Variants in SHPRH observed in about 807,000 individuals in gnomAD.
SHPRH encodes the protein E3 ubiquitin-protein ligase SHPRH.
A neutral mutation model predicts 202.5 loss-of-function variants in SHPRH; 106 were observed. That is an observed-to-expected ratio of 0.52 (90% confidence interval 0.45 to 0.62). The LOEUF is 0.62. Among genes scored for constraint, SHPRH ranks in the 20% least tolerant of loss-of-function variants. The probability of loss-of-function intolerance (pLI) is 0.00; values close to 1 mark genes in which losing one functional copy is unlikely to be tolerated. For missense variants in SHPRH, 1,710 were observed against 2,020.0 expected, an observed-to-expected ratio of 0.85 and a Z score of 2.94; for synonymous variants, 729 against 686.0, an observed-to-expected ratio of 1.06 and a Z score of -0.98.
intron 17 of SHPRH, 139 bp from the exon 18 acceptor site, chr6:145,923,924 G>T: frequency 1.3e-6 from 1 of 758,390 alleles, no homozygotes; most frequent in Non-Finnish European, 2.0e-6. Flanking sequence ...GAGGGGAGAC[G>T]AGTATACATA....
chr6:145,882,678 T>C (rs766933307), downstream of SHPRH, among the ~76,000 whole-genome samples: 1 of 152,182 alleles, frequency 6.6e-6, no homozygotes, highest in African/African-American at 2.4e-5. Flanking sequence ...TAACTGGAGA[T>C]AGCAGTTGTT....
At chr6:145,945,332 G>A in intron 8 of SHPRH, 49 bp downstream of exon 8, 1 of 1,546,122 alleles carries the variant, frequency 6.5e-7, no homozygotes. Flanking sequence ...TACTCAGTAA[G>A]GTATCACATA....
chr6:145,893,098 C>T (rs1006008850), intron 28 of SHPRH, 117 bp downstream of exon 28: 1 of 708,222 alleles, frequency 1.4e-6, no homozygotes, highest in African/African-American at 1.9e-5. Flanking sequence ...AATGTAGTAT[C>T]TAAGGAAGTA....
At chr6:145,919,623 T>A (rs1784255665) in intron 21 of SHPRH, 132 bp from the exon 22 acceptor site, 2 of 1,000,858 alleles carry the variant, frequency 2.0e-6, no homozygotes, top group Non-Finnish European at 2.8e-6. Context: ...AACGTACAAG[T>A]AGTTCCTGGG....
chr6:145,931,316 C>CT (rs1045494061), intron 14 of SHPRH, among the ~76,000 whole-genome samples: 6 of 151,184 alleles, frequency 4.0e-5, no homozygotes, highest in Non-Finnish European at 5.9e-5. Context: ...ACCCTTTTTT[C>CT]TTTTTTTTGA....
rs541246799 is a variant in SHPRH, at chr6:145,943,664, G to A, written c.1717C>T (p.Arg573Cys). ...ACAAGCTTTTTCCTCAATTTACTGC[G>A]ATTTCTCCTGGACTTATAATAATAA... Reference protein sequence around the residue: ...YYYYYKSRRNRSKLRKKLVPS... With the variant: ...YYYYYKSRRNCSKLRKKLVPS... Residue 573 changes from arginine (R) to cysteine (C), a missense_variant, in exon 9 of 30, where the codon CGC becomes TGC. By Grantham distance (180) the Arg-to-Cys change is radical (BLOSUM62 -3). Coordinates refer to ENST00000275233, the MANE Select transcript of SHPRH (RefSeq NM_001042683.3). The A allele has an allele frequency of 9.9e-6, 16 of 1,613,694 alleles. No individual in the cohort carries two copies. The highest frequency in any genetic ancestry group is 5.0e-5 in the Admixed American group (3 of 59,946).
At chr6:145,919,599 T>C in intron 21 of SHPRH, 108 bp from the exon 22 acceptor site, 1 of 1,320,568 alleles carries the variant, frequency 7.6e-7, no homozygotes, top group Non-Finnish European at 1.0e-6. Flanking sequence ...CTTACACTTT[T>C]TCGCTATGTG....
chr6:145,933,277 C>G (rs554065602), intron 13 of SHPRH, 99 bp from the exon 14 acceptor site: 12 of 1,506,266 alleles, frequency 8.0e-6, no homozygotes, highest in South Asian at 2.7e-5. Context: ...GTATGAGACT[C>G]GCAGTTTTTG....
chr6:145,922,400 G>C, intron 19 of SHPRH, 52 bp from the exon 20 acceptor site: 1 of 1,519,856 alleles, frequency 6.6e-7, no homozygotes, highest in Non-Finnish European at 8.8e-7. Flanking sequence ...CAGCAATCTG[G>C]TAATTTTAAG....
At chr6:145,942,087 T>C (rs917485821) in intron 9 of SHPRH, among the ~76,000 whole-genome samples, 3 of 152,148 alleles carry the variant, frequency 2.0e-5, no homozygotes, top group Non-Finnish European at 2.9e-5. Context: ...AATGTGAACA[T>C]GACAGCATCA....
intron 11 of SHPRH, among the ~76,000 whole-genome samples, chr6:145,938,943 G>A (rs1268856295): frequency 6.6e-6 from 1 of 152,084 alleles, no homozygotes; most frequent in African/African-American, 2.4e-5. Context: ...GACATTTCTG[G>A]GTGTCAGAAT....
rs1399949275 is a variant in SHPRH at position 145,874,336 on chromosome 6, T to C, written c.222-9845A>G. Among the ~76,000 whole-genome samples the C allele has an allele frequency of 3.9e-5, 6 of 152,268 alleles. No individual in the cohort carries two copies. In the East Asian group the frequency reaches 1.2e-3, roughly 29 times the overall value. ...CCGTATCAAAACTTTACTTCATCTTTCATTCTTATGTGATTCAGTTGATAG... is the reference window on the plus strand; with the variant it reads ...CCGTATCAAAACTTTACTTCATCTTCCATTCTTATGTGATTCAGTTGATAG... On this transcript the variant is annotated intron_variant, in intron 2 of 2. Transcript: ENST00000417762.
At chr6:145,887,893 C>G in intron 29 of SHPRH, 127 bp downstream of exon 29, 2 of 678,250 alleles carry the variant, frequency 2.9e-6, no homozygotes, top group South Asian at 3.8e-5. Context: ...GGCAAAACGT[C>G]AGACTTTGCT....
intron 15 of SHPRH, 136 bp downstream of exon 15, chr6:145,927,053 A>G (rs1395318498): frequency 1.4e-6 from 1 of 734,662 alleles, no homozygotes; most frequent in African/African-American, 1.8e-5. Context: ...TAAAATGCTT[A>G]TTGAGAAGAC....
At chr6:145,882,767 G>C (rs919727490), downstream of SHPRH, among the ~76,000 whole-genome samples, 7 of 152,186 alleles carry the variant, frequency 4.6e-5, no homozygotes, top group African/African-American at 1.7e-4. Flanking sequence ...ACATGATGCA[G>C]TAAATGTTAA....
chr6:145,958,875 C>T (rs532918234), intron 1 of SHPRH, among the ~76,000 whole-genome samples: 23 of 152,086 alleles, frequency 1.5e-4, no homozygotes, highest in Non-Finnish European at 3.4e-4. Context: ...ACTCTGTTGC[C>T]CAGCTGGAGT....
chr6:145,922,368 C>T lies in SHPRH; in HGVS notation c.3720-20G>A. On this transcript the variant is annotated intron_variant, in intron 19 of 29. Transcript: ENST00000275233. ...ACACAGCTGAAAAAAAAGAGATTAA[C>T]AGAAATATTCACAAACATAACCAGC... 1 of 1,549,318 alleles carries T rather than the reference C, an allele frequency of 6.5e-7. No homozygotes were observed. Among genetic ancestry groups the T allele is most frequent in the Non-Finnish European group, 8.6e-7 (1 of 1,158,170 alleles).
intron 1 of SHPRH, among the ~76,000 whole-genome samples, chr6:145,962,922 C>T (rs1016822885): frequency 6.6e-6 from 1 of 152,106 alleles, no homozygotes; most frequent in Non-Finnish European, 1.5e-5. Flanking sequence ...TTTAAAAATG[C>T]CCTCATAAGA....
intron 26 of SHPRH, 49 bp from the exon 27 acceptor site, chr6:145,894,285 A>T (rs1583316403): frequency 7.6e-7 from 1 of 1,321,890 alleles, no homozygotes; most frequent in East Asian, 2.5e-5. Context: ...CGTAGCCTTT[A>T]TCTAAGGGTA....
Sources: allele counts gnomAD v4.1 joint callset (sites outside exome capture counted in the v4.1 genomes callset), GRCh38; gene constraint gnomAD v4.1.1; transcripts MANE v1.5; gene names NCBI Gene and HGNC (gene_info 2026-07-23, HGNC 2026-07-21).